SNX29: variants seen among roughly 807,000 people sequenced by gnomAD.
SNX29 encodes the protein sorting nexin-29.
SNX29 carries 78 observed loss-of-function variants against 102.1 expected under a neutral mutation model. The ratio of observed to expected loss-of-function variants is 0.76; its 90% CI spans 0.64 to 0.92. The LOEUF (loss-of-function observed/expected upper bound fraction) is 0.92. Ranked by LOEUF, SNX29 falls within the 40% of genes least tolerant of loss-of-function variation. The pLI, the probability that SNX29 is intolerant of heterozygous loss-of-function variation, is 0.00. For missense variants in SNX29, 1,280 were observed against 1,061.7 expected (o/e 1.21, Z -2.86); for synonymous variants, 580 against 414.5 (o/e 1.40, Z -4.85).
At chr16:12,543,109 C>G (rs564759292) in intron 20 of SNX29, among the ~76,000 whole-genome samples, 1 of 152,294 alleles carries the variant, frequency 6.6e-6, no homozygotes, top group African/African-American at 2.4e-5. Context: ...TGGATCCTGG[C>G]AGCTGCGTAT....
At chr16:12,336,613 C>T (rs2081458511) in intron 15 of SNX29, among the ~76,000 whole-genome samples, 1 of 152,312 alleles carries the variant, frequency 6.6e-6, no homozygotes, top group Non-Finnish European at 1.5e-5. Context: ...GACAAGTCAC[C>T]TGTCCTTCCA....
At chr16:12,393,289 C>T (rs935413554) in intron 16 of SNX29, among the ~76,000 whole-genome samples, 3 of 150,638 alleles carry the variant, frequency 2.0e-5, no homozygotes, top group Admixed American at 2.0e-4. Context: ...TCCAAACTAA[C>T]TTATCCTTCC....
At chr16:12,402,440 G>T (rs955245506) in intron 17 of SNX29, among the ~76,000 whole-genome samples, 5 of 152,186 alleles carry the variant, frequency 3.3e-5, no homozygotes, top group Non-Finnish European at 7.3e-5. Flanking sequence ...ATTTAGCCCT[G>T]GAACAGCTCT....
At chr16:12,178,003 C>T (rs1375457127) in intron 13 of SNX29, among the ~76,000 whole-genome samples, 4 of 152,196 alleles carry the variant, frequency 2.6e-5, no homozygotes, top group East Asian at 1.9e-4. Context: ...TAGTGATAAC[C>T]CGTAGTCTAC....
In SNX29 at chr16:12,527,493, T is replaced by A. The variant is rs1474760952; in HGVS notation, c.2318+2652T>A. The A allele has an allele frequency of 7.0e-6, 3 of 429,742 alleles. No homozygotes were observed. The Admixed American group carries it at 1.0e-4, about 15-fold the overall frequency. 26.6% of individuals were successfully genotyped at this position (429,742 alleles called of 1,614,324 possible). On this transcript the variant is annotated intron_variant, in intron 20 of 20. Coordinates refer to ENST00000566228, the MANE Select transcript of SNX29 (RefSeq NM_032167.5). Reference sequence around the variant, plus strand: ...GATCCAAAAAGTCCATTTGAGTTACTGAACGTAACCGGATTGTTCACTAAA... The same window carrying A: ...GATCCAAAAAGTCCATTTGAGTTACAGAACGTAACCGGATTGTTCACTAAA...
chr16:12,486,365 G>C (rs1320287180), intron 19 of SNX29, among the ~76,000 whole-genome samples: 1 of 152,190 alleles, frequency 6.6e-6, no homozygotes, highest in Non-Finnish European at 1.5e-5. Flanking sequence ...CAGGTTCTGG[G>C]GATTGAGGCA....
At chr16:12,331,213 G>A (rs1219838613) in intron 15 of SNX29, among the ~76,000 whole-genome samples, 1 of 151,432 alleles carries the variant, frequency 6.6e-6, no homozygotes, top group Non-Finnish European at 1.5e-5. Flanking sequence ...GCTGGGCTTG[G>A]CTGCCCGGTT....
At chr16:12,544,545 C>A (rs1188420125) in intron 20 of SNX29, among the ~76,000 whole-genome samples, 3 of 152,172 alleles carry the variant, frequency 2.0e-5, no homozygotes, top group Non-Finnish European at 4.4e-5. Context: ...GGAACATTCT[C>A]TGGAATGTTA....
intron 18 of SNX29, among the ~76,000 whole-genome samples, chr16:12,444,762 C>T (rs73521914): frequency 6.6e-6 from 1 of 152,068 alleles, no homozygotes; most frequent in Non-Finnish European, 1.5e-5. Context: ...CATCACATCT[C>T]CAGAACCCCT....
chr16:12,561,811 C>G (rs771837902), intron 20 of SNX29, among the ~76,000 whole-genome samples: 1 of 152,122 alleles, frequency 6.6e-6, no homozygotes, highest in African/African-American at 2.4e-5. Context: ...GGGCTCATTA[C>G]CGCAGCTTAC....
chr16:12,399,730 C>T (rs550031366), intron 17 of SNX29, among the ~76,000 whole-genome samples: 7 of 151,078 alleles, frequency 4.6e-5, no homozygotes, highest in Admixed American at 2.6e-4. Context: ...CTGCTGGGGT[C>T]GGGGGTGGCG....
chr16:12,385,896 C>G (rs1314933267), intron 16 of SNX29, among the ~76,000 whole-genome samples: 1 of 152,210 alleles, frequency 6.6e-6, no homozygotes, highest in Non-Finnish European at 1.5e-5. Flanking sequence ...GCCTCCTGGG[C>G]TCAGGCCTCA....
At chr16:12,521,363 T>G (rs183456228) in intron 19 of SNX29, among the ~76,000 whole-genome samples, 1 of 151,974 alleles carries the variant, frequency 6.6e-6, no homozygotes, top group Non-Finnish European at 1.5e-5. Flanking sequence ...GAGTGAGCAC[T>G]TGGGAGGGAC....
intron 16 of SNX29, among the ~76,000 whole-genome samples, chr16:12,386,326 T>C (rs1267124097): frequency 6.6e-6 from 1 of 152,230 alleles, no homozygotes; most frequent in East Asian, 1.9e-4. Context: ...TAGTACTTTA[T>C]GCAAATTATC....
intron 20 of SNX29, among the ~76,000 whole-genome samples, chr16:12,568,155 C>T (rs979074916): frequency 2.0e-5 from 3 of 152,162 alleles, no homozygotes; most frequent in South Asian, 4.1e-4. Context: ...GACTTAGAAG[C>T]GTACCTTTGC....
At chr16:12,344,269 G>A (rs1042798514) in intron 15 of SNX29, among the ~76,000 whole-genome samples, 1 of 152,172 alleles carries the variant, frequency 6.6e-6, no homozygotes, top group Non-Finnish European at 1.5e-5. Context: ...AAGGGAGAGG[G>A]TTTATAAAAT....
intron 4 of SNX29, among the ~76,000 whole-genome samples, chr16:12,032,045 A>G (rs1596644348): frequency 6.6e-6 from 1 of 152,122 alleles, no homozygotes; most frequent in African/African-American, 2.4e-5. Flanking sequence ...GGCAGCCAGC[A>G]TTCTACTTTC....
At chr16:12,488,447 C>A (rs180712872) in intron 19 of SNX29, among the ~76,000 whole-genome samples, 10 of 152,202 alleles carry the variant, frequency 6.6e-5, no homozygotes, top group African/African-American at 2.4e-4. Flanking sequence ...GCAGTCCCCC[C>A]CGTCCCCGCA....
intron 15 of SNX29, among the ~76,000 whole-genome samples, chr16:12,338,794 C>G (rs11863659): frequency 2.0e-5 from 3 of 152,110 alleles, no homozygotes; most frequent in Non-Finnish European, 4.4e-5. Context: ...ATCCCCACCC[C>G]CAGACCCACC....
Sources: allele counts gnomAD v4.1 joint callset (sites outside exome capture counted in the v4.1 genomes callset), GRCh38; gene constraint gnomAD v4.1.1; transcripts MANE v1.5; gene names NCBI Gene and HGNC (gene_info 2026-07-23, HGNC 2026-07-21).